Variants in KCTD2 observed in about 807,000 individuals in gnomAD.
KCTD2 encodes BTB/POZ domain-containing protein KCTD2.
In KCTD2, 18 loss-of-function variants were observed where a neutral mutation model predicts 27.9. The ratio of observed to expected loss-of-function variants is 0.64; its 90% confidence interval spans 0.45 to 0.96. The LOEUF (loss-of-function observed/expected upper bound fraction) is 0.96. KCTD2 is among the 40% of genes least tolerant of loss of function. The probability of loss-of-function intolerance (pLI) is 0.00; values close to 1 mark genes in which losing one functional copy is unlikely to be tolerated. For missense variants in KCTD2, 280 were observed against 348.0 expected, an observed-to-expected ratio of 0.80 and a Z score of 1.56; for synonymous variants, 175 against 148.4, an observed-to-expected ratio of 1.18 and a Z score of -1.30.
intron 5 of KCTD2, 80 bp from the exon 6 acceptor site, chr17:75,062,937 TC>T: frequency 6.9e-7 from 1 of 1,449,686 alleles, no homozygotes; most frequent in South Asian, 1.2e-5. Flanking sequence ...ATGCCACTCA[TC>T]GGGTCCAGTG....
At chr17:75,033,722 C>T (rs962448807) in intron 1 of KCTD2, among the ~76,000 whole-genome samples, 1 of 152,218 alleles carries the variant, frequency 6.6e-6, no homozygotes, top group African/African-American at 2.4e-5. Flanking sequence ...GGGCTGGGGG[C>T]TGGTGCTCGC....
intron 3 of KCTD2, among the ~76,000 whole-genome samples, chr17:75,056,952 CTTTTTTTTTTTTT>C (rs35875644): frequency 9.3e-6 from 1 of 107,994 alleles, no homozygotes; most frequent in Non-Finnish European, 1.8e-5. Flanking sequence ...TTTCTTTTTT[CTTTTTTTTTTTTT>C]TTTTTTGGAG....
intron 4 of KCTD2, 66 bp downstream of exon 4, chr17:75,059,671 C>T (rs1184071977): frequency 1.1e-5 from 14 of 1,263,686 alleles, no homozygotes; most frequent in Non-Finnish European, 1.4e-5. Context: ...TTCAAACAAT[C>T]AGTGTGGATG....
chr17:75,063,713 A>G lies in KCTD2; in HGVS notation c.*666A>G, dbSNP rs2073428254. On this transcript the variant is annotated 3_prime_UTR_variant, in exon 6 of 6. Coordinates refer to ENST00000322444, the MANE Select transcript of KCTD2 (RefSeq NM_015353.3). Reference sequence around the variant, plus strand: ...GGGGCTCCCGGCTGCCACCACATGCAGCTTTGCCTCACCTTTCTCCAGCAG... The same window carrying G: ...GGGGCTCCCGGCTGCCACCACATGCGGCTTTGCCTCACCTTTCTCCAGCAG... The G allele has an allele frequency of 6.6e-6, 1 of 152,558 alleles. No individual in the cohort carries two copies. The highest frequency in any genetic ancestry group is 6.5e-5 in the Admixed American group (1 of 15,318). The allele number at this position is 152,558 out of a possible 1,614,324, so 9.5% of individuals were successfully genotyped here. A position where few individuals can be genotyped will look rare whatever the true frequency, so the allele number is the denominator to read the frequency against.
intron 2 of KCTD2, chr17:75,035,169 G>A (rs747106362): frequency 6.6e-6 from 1 of 152,028 alleles, no homozygotes; most frequent in Non-Finnish European, 1.5e-5. Context: ...TTGAGGGTTC[G>A]AGTCCCTTCG....
At chr17:75,033,133 T>C (rs1444142027) in intron 1 of KCTD2, 1 of 152,028 alleles carries the variant, frequency 6.6e-6, no homozygotes. Context: ...TTTTTTTTCT[T>C]TTTTTTCTTT....
At chr17:75,039,983 A>G (rs1223828716) in intron 3 of KCTD2, 2 of 1,143,858 alleles carry the variant, frequency 1.7e-6, no homozygotes, top group Non-Finnish European at 2.6e-6. Flanking sequence ...TCATTCCTTT[A>G]TATGGCTGTT....
intron 3 of KCTD2, among the ~76,000 whole-genome samples, chr17:75,054,355 G>A (rs963683382): frequency 6.6e-6 from 1 of 152,104 alleles, no homozygotes; most frequent in African/African-American, 2.4e-5. Flanking sequence ...AGAGCGAAAG[G>A]GAATTTGCCC....
chr17:75,034,507 G>A (rs942968429), intron 2 of KCTD2, among the ~76,000 whole-genome samples: 11 of 152,202 alleles, frequency 7.2e-5, no homozygotes, highest in East Asian at 1.9e-4. Flanking sequence ...CTGGGGCGCG[G>A]TAAGACGCTA....
rs1297509131 is a variant in KCTD2 at position 75,065,707 on chromosome 17, A to G, written c.*2660A>G. ...TCAGTGAGGCTGGGAGCAGGGAGCC[A>G]CGGGATGCTGAGAGAGGAGGCCCGA... On this transcript the variant is annotated 3_prime_UTR_variant, in exon 6 of 6. Coordinates refer to ENST00000322444, the MANE Select transcript of KCTD2 (RefSeq NM_015353.3). 1 of 152,334 alleles carries G rather than the reference A, an allele frequency of 6.6e-6. No homozygotes were observed. The highest frequency in any genetic ancestry group is 1.5e-5 in the Non-Finnish European group (1 of 68,130). 9.4% of individuals were successfully genotyped at this position (152,334 alleles called of 1,614,324 possible).
chr17:75,050,471 C>A (rs957656330), intron 2 of KCTD2, among the ~76,000 whole-genome samples: 3 of 152,114 alleles, frequency 2.0e-5, no homozygotes, highest in Non-Finnish European at 4.4e-5. Flanking sequence ...CCATGTTGAC[C>A]AGGCTGGTCT....
At chr17:75,060,093 GCCTCGTGCTTA>G (rs2073388714) in intron 4 of KCTD2, among the ~76,000 whole-genome samples, 2 of 152,078 alleles carry the variant, frequency 1.3e-5, no homozygotes, top group African/African-American at 2.4e-5. Context: ...ACTTCTCTCC[GCCTCGTGCTTA>G]CGACTGAGCT....
chr17:75,054,350 G>A (rs918629261), intron 3 of KCTD2, among the ~76,000 whole-genome samples: 4 of 152,118 alleles, frequency 2.6e-5, no homozygotes, highest in East Asian at 1.9e-4. Flanking sequence ...TAACAAGAGC[G>A]AAAGGGAATT....
At chr17:75,059,464 T>C in intron 3 of KCTD2, 46 bp from the exon 4 acceptor site, 1 of 1,337,696 alleles carries the variant, frequency 7.5e-7, no homozygotes, top group Non-Finnish European at 1.0e-6. Flanking sequence ...AGCTGCAAAC[T>C]GTGGTGTCCT....
intron 3 of KCTD2, among the ~76,000 whole-genome samples, chr17:75,057,555 CT>C (rs531046978): frequency 0.05 from 6,659 of 133,298 alleles, 489 homozygotes; most frequent in African/African-American, 0.17. Flanking sequence ...AGCTATACCT[CT>C]TTTTTTTTTT....
At chr17:75,034,852 C>T (rs1272907734) in intron 2 of KCTD2, among the ~76,000 whole-genome samples, 3 of 152,080 alleles carry the variant, frequency 2.0e-5, no homozygotes, top group African/African-American at 7.2e-5. Flanking sequence ...CCAAAAGAGC[C>T]CGACCACAAA....
chr17:75,037,362 A>AG (rs1252115723), intron 3 of KCTD2, among the ~76,000 whole-genome samples: 4 of 151,574 alleles, frequency 2.6e-5, no homozygotes, highest in African/African-American at 9.7e-5. Flanking sequence ...AAAAAAAAAA[A>AG]AAGAAATGGC....
At chr17:75,050,667 C>T (rs2073275088) in intron 2 of KCTD2, among the ~76,000 whole-genome samples, 1 of 152,146 alleles carries the variant, frequency 6.6e-6, no homozygotes, top group Non-Finnish European at 1.5e-5. Context: ...AATTCAATTA[C>T]CCTCTTTTAG....
intron 3 of KCTD2, among the ~76,000 whole-genome samples, chr17:75,055,198 G>A (rs1040071901): frequency 3.3e-5 from 5 of 151,890 alleles, no homozygotes; most frequent in Non-Finnish European, 7.4e-5. Flanking sequence ...GTGATTACAG[G>A]TGTGTGCCAC....
Sources: gnomAD v4.1 joint callset for allele counts (sites outside exome capture counted in the v4.1 genomes callset) on GRCh38, gnomAD v4.1.1 for gene constraint, MANE v1.5 for transcripts, NCBI Gene and HGNC (gene_info 2026-07-23, HGNC 2026-07-21) for gene names.